Variants in SFTPB observed in about 807,000 individuals in gnomAD.
The protein encoded by SFTPB is pulmonary surfactant-associated protein B.
SFTPB carries 32 observed loss-of-function variants against 51.0 expected under a neutral mutation model. That is an observed-to-expected ratio of 0.63 (90% CI 0.47 to 0.84). SFTPB has a LOEUF of 0.84. Among genes scored for constraint, SFTPB ranks in the 40% least tolerant of loss-of-function variants. SFTPB has a pLI of 0.00. For synonymous variants in SFTPB, 211 were observed against 208.5 expected, an observed-to-expected ratio of 1.01 and a Z score of -0.10; for missense variants, 431 against 491.2, an observed-to-expected ratio of 0.88 and a Z score of 1.16.
chr2:85,667,445 TC>T lies in SFTPB; in HGVS notation c.195+233del, dbSNP rs3024797. On this transcript the variant is annotated intron_variant, in intron 2 of 10. Transcript: ENST00000519937. The stretch of plus-strand genomic sequence containing the variant: ...CTTTATTCTATGTCATCCTATCCTA[TC>T]CCTTCCCCTCCCATCCATCCCATCC... Among the ~76,000 whole-genome samples the T allele has an allele frequency of 0.1, 15,170 of 151,800 alleles. 852 individuals carry two copies. Among genetic ancestry groups the T allele is most frequent in the South Asian group, 0.2 (945 of 4,802 alleles).
At chr2:85,662,166 T>C in intron 8 of SFTPB, 57 bp from the exon 9 acceptor site, 1 of 1,562,936 alleles carries the variant, frequency 6.4e-7, no homozygotes, top group African/African-American at 1.3e-5. Context: ...TCCTGTCGTG[T>C]GGTCCTGGCC....
chr2:85,668,407 C>T (rs1427568506), upstream of SFTPB, among the ~76,000 whole-genome samples: 1 of 152,238 alleles, frequency 6.6e-6, no homozygotes, highest in Admixed American at 6.5e-5. Flanking sequence ...TGCCCAGACT[C>T]CCATGTTCCT....
At chr2:85,666,359 C>CTA (rs1558577117) in intron 4 of SFTPB, among the ~76,000 whole-genome samples, 1 of 106,116 alleles carries the variant, frequency 9.4e-6, no homozygotes, top group African/African-American at 3.7e-5. Flanking sequence ...GGATAGGGTG[C>CTA]TGTGTGTGTG....
Position 85,658,577 on chromosome 2 carries a change from C to T in SFTPB, c.*1125G>A, listed in dbSNP as rs1488048387. 6.6e-6 allele frequency: 1 copy of T among 152,250 alleles called. No individual in the cohort carries two copies. The highest frequency in any genetic ancestry group is 6.5e-5 in the Admixed American group (1 of 15,282). The allele number at this position is 152,250 out of a possible 1,614,324, so 9.4% of individuals were successfully genotyped here. A position where few individuals can be genotyped will look rare whatever the true frequency, so the allele number is the denominator to read the frequency against. On this transcript the variant is annotated 3_prime_UTR_variant, in exon 11 of 11. Transcript: ENST00000519937. ...GGAGTGCAGTGGTGCAATCTCGGCT[C>T]ACTGCAACCTCTGCCTCCTGGGCTG...
In SFTPB at chr2:85,666,814, C is replaced by T. The variant is rs377261798; in HGVS notation, c.268-72G>A. ...CCCGCCCAAGTCCCTGGACACAAGG[C>T]CCCACCAGGGCAGACTGACCCCTAA... is the stretch of plus-strand genomic sequence containing the variant. On this transcript the variant is annotated intron_variant, in intron 3 of 10. Coordinates refer to ENST00000519937, the MANE Select transcript of SFTPB (RefSeq NM_000542.5). 1,236 of 1,597,704 alleles carry T rather than the reference C, an allele frequency of 7.7e-4. 13 individuals carry two copies. In the South Asian group the frequency reaches 0.011, roughly 14 times the overall value.
At position 85,665,289 on chromosome 2, in the gene SFTPB, C is replaced by T. The variant is rs1438407626; in HGVS notation, c.672G>A (p.Lys224=). 2.5e-6 allele frequency: 4 copies of T among 1,613,096 alleles called. No individual in the cohort carries two copies. Among genetic ancestry groups the T allele is most frequent in the Non-Finnish European group, 3.4e-6 (4 of 1,179,278 alleles). The part of the protein sequence containing the change: ...LIKRIQAMIP[K]GALAVAVAQV... ...CTCTGTGAGGCCCTGGATGCCTCAC[C>T]TTGGGAATCATGGCTTGGATCCGCT... is the stretch of plus-strand genomic sequence containing the variant. The change falls in exon 6 of 11, where the codon AAG becomes AAA. Residue 224 remains lysine, a splice_region_variant and synonymous_variant. Coordinates refer to ENST00000519937, the MANE Select transcript of SFTPB (RefSeq NM_000542.5).
upstream of SFTPB, chr2:85,668,249 G>C (rs1017736853): frequency 1.4e-6 from 2 of 1,468,130 alleles, no homozygotes; most frequent in Admixed American, 2.0e-5. Context: ...GGGCGTGGGG[G>C]CTCTGTAGGA....
intron 3 of SFTPB, 96 bp from the exon 4 acceptor site, chr2:85,666,838 A>G: frequency 1.3e-6 from 2 of 1,531,092 alleles, no homozygotes; most frequent in Middle Eastern, 3.8e-4. Flanking sequence ...ACTGACCCCT[A>G]ATCCCCCAGG....
intron 10 of SFTPB, among the ~76,000 whole-genome samples, chr2:85,660,601 C>A (rs1677243212): frequency 6.6e-6 from 1 of 151,850 alleles, no homozygotes; most frequent in Admixed American, 6.6e-5. Flanking sequence ...AGGCACCTGC[C>A]ACCATGCTCA....
rs1677303558 is a variant in SFTPB, at chr2:85,661,626, T to A, written c.1084-91A>T. ...GGGAAAGAACAGCACTCACTCCACC[T>A]CCCGCCTAGTGGGTGCTACCAGTGT... On this transcript the variant is annotated intron_variant, in intron 9 of 10. Coordinates refer to ENST00000519937, the MANE Select transcript of SFTPB (RefSeq NM_000542.5). The A allele has an allele frequency of 1.7e-5, 18 of 1,052,606 alleles. No individual in the cohort carries two copies. The South Asian group carries it at 2.3e-4, about 14-fold the overall frequency. 65.2% of individuals were successfully genotyped at this position (1,052,606 alleles called of 1,614,324 possible).
chr2:85,660,463 T>C (rs1190303255), intron 10 of SFTPB, among the ~76,000 whole-genome samples: 5 of 144,418 alleles, frequency 3.5e-5, no homozygotes, highest in Admixed American at 6.9e-5. Flanking sequence ...TTTTTTTTTT[T>C]TCCTGAGACA....
intron 10 of SFTPB, among the ~76,000 whole-genome samples, chr2:85,660,337 G>A (rs1677226155): frequency 8.4e-6 from 1 of 118,938 alleles, no homozygotes; most frequent in Non-Finnish European, 1.6e-5. Flanking sequence ...GTTTCATCAT[G>A]TTGGTAAGGC....
rs1401046724 is a variant in SFTPB, at chr2:85,666,651, A to G, written c.359T>C (p.Phe120Ser). 1.2e-6 allele frequency: 2 copies of G among 1,613,216 alleles called. No individual in the cohort carries two copies. Among genetic ancestry groups the G allele is most frequent in the African/African-American group, 1.3e-5 (1 of 74,840 alleles). The change falls in exon 4 of 11, where the codon TTC becomes TCC. Residue 120 changes from phenylalanine to serine, a missense_variant. Coordinates refer to ENST00000519937, the MANE Select transcript of SFTPB (RefSeq NM_000542.5). ...CTGGAAGTAGTCGATGACCAGGGGG[A>G]AGTAGTCGTCAAGCACTTGGTTGCA... is the stretch of plus-strand genomic sequence containing the variant. ...PQCNQVLDDY[F>S]PLVIDYFQNQ...
At position 85,663,382 on chromosome 2, in the gene SFTPB, G is replaced by C; in HGVS notation, c.966C>G (p.Leu322=). ...CCAGCCAGGAGCCAACACAGGCCTGGAGCATTGCCTGTGGTATGGCCTGCT... is the reference window on the plus strand; with the variant it reads ...CCAGCCAGGAGCCAACACAGGCCTGCAGCATTGCCTGTGGTATGGCCTGCT... The part of the protein sequence containing the change: ...SSEQAIPQAM[L]QACVGSWLDR... Residue 322 remains leucine (L), a synonymous_variant, in exon 8 of 11, where the codon CTC becomes CTG. Coordinates refer to ENST00000519937, the MANE Select transcript of SFTPB (RefSeq NM_000542.5). 2 of 1,613,582 alleles carry C rather than the reference G, an allele frequency of 1.2e-6. No homozygotes were observed. Among genetic ancestry groups the C allele is most frequent in the Non-Finnish European group, 1.7e-6 (2 of 1,180,038 alleles).
At chr2:85,662,270 C>T (rs561335918) in intron 8 of SFTPB, 161 bp from the exon 9 acceptor site, 2 of 1,473,056 alleles carry the variant, frequency 1.4e-6, no homozygotes, top group East Asian at 5.1e-5. Flanking sequence ...CCTTAACAAA[C>T]TGGAGCCAGC....
chr2:85,665,225 G>C, intron 6 of SFTPB, 64 bp downstream of exon 6: 1 of 1,184,368 alleles, frequency 8.4e-7, no homozygotes, highest in East Asian at 2.3e-5. Context: ...GAGAGAGGTG[G>C]GAGCTGCAGG....
Position 85,665,346 on chromosome 2 carries a change from G to A in SFTPB, c.615C>T (p.Leu205=), listed in dbSNP as rs781706067. 1.2e-6 allele frequency: 2 copies of A among 1,614,122 alleles called. No homozygotes were observed. The highest frequency in any genetic ancestry group is 1.7e-5 in the Admixed American group (1 of 60,028). The change falls in exon 6 of 11, where the codon CTC becomes CTT. Residue 205 remains leucine (L), a synonymous_variant. Coordinates refer to ENST00000519937, the MANE Select transcript of SFTPB (RefSeq NM_000542.5). ...GAGCCCTGCAGAGCCAGCAATAGGG[G>A]AGAGGAATGGGGAATTGCTGCTCGG... ...DLSEQQFPIP[L]PYCWLCRALI...
At chr2:85,666,215 CTGTGTGTGTGTG>C (rs34530476) in intron 4 of SFTPB, among the ~76,000 whole-genome samples, 9 of 96,356 alleles carry the variant, frequency 9.3e-5, no homozygotes, top group Non-Finnish European at 1.5e-4. Flanking sequence ...TGTGTGTGTG[CTGTGTGTGTGTG>C]TGTGTGTGTG....
chr2:85,660,613 C>G (rs895195236), intron 10 of SFTPB, among the ~76,000 whole-genome samples: 1 of 151,532 alleles, frequency 6.6e-6, no homozygotes, highest in Non-Finnish European at 1.5e-5. Flanking sequence ...CCATGCTCAG[C>G]TAATTTTTAA....
Sources: gnomAD v4.1 joint callset for allele counts (sites outside exome capture counted in the v4.1 genomes callset) on GRCh38, gnomAD v4.1.1 for gene constraint, MANE v1.5 for transcripts, NCBI Gene and HGNC (gene_info 2026-07-23, HGNC 2026-07-21) for gene names.